The following KLHL3 variants were observed in gnomAD, a reference collection of about 807,000 sequenced individuals.
KLHL3 encodes kelch like family member 3.
A neutral mutation model predicts 70.5 loss-of-function variants in KLHL3; 19 were observed. The ratio of observed to expected loss-of-function variants is 0.27; its 90% CI spans 0.19 to 0.40. The LOEUF (loss-of-function observed/expected upper bound fraction) is 0.40. Among genes scored for constraint, KLHL3 ranks in the 10% least tolerant of loss-of-function variants. The pLI is 1.00. For synonymous variants in KLHL3, 258 were observed against 290.3 expected, an observed-to-expected ratio of 0.89 and a Z score of 1.13; for missense variants, 512 against 771.1, an observed-to-expected ratio of 0.66 and a Z score of 3.98.
rs1389583549 is a variant in KLHL3, at chr5:137,634,137, A to G, written c.1350T>C (p.Asp450=). ...EGKLYAVGGY[D]GASRQCLSTV... is the part of the protein sequence containing the mutation. ...TGCTCAGACACTGGCGGGAAGCTCC[A>G]TCATAACCCCCAACAGCATATAGCT... Residue 450 remains aspartate (D), a synonymous_variant, in exon 12 of 15, where the codon GAT becomes GAC. Coordinates refer to ENST00000309755, the MANE Select transcript of KLHL3 (RefSeq NM_017415.3). The G allele has an allele frequency of 6.2e-7, 1 of 1,613,524 alleles. No homozygotes were observed. The highest frequency in any genetic ancestry group is 8.5e-7 in the Non-Finnish European group (1 of 1,179,856).
intron 8 of KLHL3, among the ~76,000 whole-genome samples, chr5:137,642,520 G>A (rs371883091): frequency 1.3e-5 from 2 of 152,314 alleles, no homozygotes; most frequent in Non-Finnish European, 2.9e-5. Context: ...GGCAGAAAAC[G>A]TATCTGCCTC....
At chr5:137,707,397 T>C (rs1278368916) in intron 3 of KLHL3, among the ~76,000 whole-genome samples, 1 of 152,002 alleles carries the variant, frequency 6.6e-6, no homozygotes, top group South Asian at 2.1e-4. Flanking sequence ...TGCACCACTA[T>C]ACTCCAGCCT....
chr5:137,661,889 T>G (rs1751484188), intron 7 of KLHL3, 26 bp downstream of exon 7: 2 of 1,262,744 alleles, frequency 1.6e-6, no homozygotes, highest in African/African-American at 2.9e-5. Flanking sequence ...AACACAGAAG[T>G]GCTTGGCTCT....
chr5:137,677,351 G>A, intron 6 of KLHL3, 194 bp downstream of exon 6: 1 of 440,254 alleles, frequency 2.3e-6, no homozygotes, highest in East Asian at 3.8e-5. Flanking sequence ...AGGAGGCTGA[G>A]GCAGGGGAAT....
intron 1 of KLHL3, 139 bp from the exon 2 acceptor site, chr5:137,720,723 A>T: frequency 6.7e-7 from 1 of 1,484,048 alleles, no homozygotes; most frequent in East Asian, 2.3e-5. Context: ...AATAGGAAAG[A>T]CAATGTACTG....
intron 2 of KLHL3, 64 bp from the exon 3 acceptor site, chr5:137,709,920 G>A (rs888830201): frequency 1.5e-4 from 202 of 1,331,786 alleles, no homozygotes; most frequent in Non-Finnish European, 2.1e-4. Flanking sequence ...CATCTTACAA[G>A]GGTATTTTTT....
intron 5 of KLHL3, among the ~76,000 whole-genome samples, chr5:137,681,468 G>A (rs973183678): frequency 2.6e-5 from 4 of 152,148 alleles, no homozygotes; most frequent in African/African-American, 9.7e-5. Context: ...CAGAGCATAT[G>A]TAAAGAACAG....
rs377244711 is a variant in KLHL3, at chr5:137,703,542, C to T, written c.242-5134G>A. On this transcript the variant is annotated intron_variant, in intron 3 of 14. Transcript: ENST00000309755. ...AGGGAATGTCCTTAGTTCACAGGTCCTTATGTCACATTGGGAGTGAACAGC... is the reference window on the plus strand; with the variant it reads ...AGGGAATGTCCTTAGTTCACAGGTCTTTATGTCACATTGGGAGTGAACAGC... Among the ~76,000 whole-genome samples the T allele has an allele frequency of 2.6e-5, 4 of 152,188 alleles. No homozygotes were observed. In the East Asian group the frequency reaches 7.7e-4, roughly 29 times the overall value.
At chr5:137,656,566 T>C (rs1751350643) in intron 8 of KLHL3, among the ~76,000 whole-genome samples, 1 of 152,218 alleles carries the variant, frequency 6.6e-6, no homozygotes. Flanking sequence ...AATAAGCACA[T>C]ATGTCTATAA....
intron 3 of KLHL3, chr5:137,706,308 A>C (rs1022956988): frequency 1.0e-6 from 1 of 985,414 alleles, no homozygotes; most frequent in East Asian, 1.1e-4. Flanking sequence ...CTCAGTACAC[A>C]ATGCATTTTA....
intron 5 of KLHL3, among the ~76,000 whole-genome samples, chr5:137,686,377 T>TC (rs374387327): frequency 9.2e-5 from 14 of 152,030 alleles, no homozygotes; most frequent in African/African-American, 2.9e-4. Context: ...TCCTCCCCAT[T>TC]CCCCCTGTTC....
intron 7 of KLHL3, among the ~76,000 whole-genome samples, chr5:137,659,091 C>T (rs766692094): frequency 7.2e-5 from 11 of 152,214 alleles, no homozygotes; most frequent in Non-Finnish European, 1.3e-4. Flanking sequence ...CACTGTGTGG[C>T]ATATCTGGAA....
Position 137,639,249 on chromosome 5 carries a change from C to A in KLHL3, c.1022-99G>T. 1 of 1,142,284 alleles carries A rather than the reference C, an allele frequency of 8.8e-7. No homozygotes were observed. The highest frequency in any genetic ancestry group is 1.4e-5 in the South Asian group (1 of 69,692). The allele number at this position is 1,142,284 out of a possible 1,614,324, so 70.8% of individuals were successfully genotyped here. A position where few individuals can be genotyped will look rare whatever the true frequency, so the allele number is the denominator to read the frequency against. On this transcript the variant is annotated intron_variant, in intron 9 of 14. Transcript: ENST00000309755. This position sits in a 1 kb window ranked among gnomAD's most constrained non-coding sequence, Gnocchi z 5.0. ...GGAGCAAGACAGACACAGGAAAAGT[C>A]GCCACCGAAGATACTTTAGGTATTT...
intron 7 of KLHL3, among the ~76,000 whole-genome samples, chr5:137,659,398 G>A (rs1751419310): frequency 1.3e-5 from 2 of 152,168 alleles, no homozygotes; most frequent in Non-Finnish European, 2.9e-5. Flanking sequence ...ATCATCTGCT[G>A]GGCAGCATTG....
chr5:137,700,282 C>T (rs894197624), intron 3 of KLHL3, among the ~76,000 whole-genome samples: 5 of 152,162 alleles, frequency 3.3e-5, no homozygotes, highest in Non-Finnish European at 7.4e-5. Flanking sequence ...GATGAGGGTC[C>T]AGTTGGTAAT....
chr5:137,691,549 A>G (rs1453619940), intron 5 of KLHL3, among the ~76,000 whole-genome samples: 1 of 152,162 alleles, frequency 6.6e-6, no homozygotes, highest in Non-Finnish European at 1.5e-5. Context: ...CTGGAGCACA[A>G]GACTCAGTGT....
Position 137,662,051 on chromosome 5 carries a change from G to T in KLHL3, c.637-20C>A. Reference sequence around the variant, plus strand: ...AAACACCTATAAAGAAAAGCAACATGGGCAACTTCAGTAAAGAGACAAAAG... The same window carrying T: ...AAACACCTATAAAGAAAAGCAACATTGGCAACTTCAGTAAAGAGACAAAAG... On this transcript the variant is annotated intron_variant, in intron 6 of 14. Transcript: ENST00000309755. 2 of 1,269,150 alleles carry T rather than the reference G, an allele frequency of 1.6e-6. No homozygotes were observed. Among genetic ancestry groups the T allele is most frequent in the South Asian group, 1.2e-5 (1 of 81,322 alleles). 78.6% of individuals were successfully genotyped at this position (1,269,150 alleles called of 1,614,324 possible). A position where few individuals can be genotyped will look rare whatever the true frequency, so the allele number is the denominator to read the frequency against.
At chr5:137,681,816 C>G (rs1460978560) in intron 5 of KLHL3, among the ~76,000 whole-genome samples, 1 of 151,968 alleles carries the variant, frequency 6.6e-6, no homozygotes, top group Non-Finnish European at 1.5e-5. Context: ...TCCTAATTAG[C>G]CAGGTTTTAC....
intron 2 of KLHL3, among the ~76,000 whole-genome samples, chr5:137,713,776 TCTACC>T (rs1322937536): frequency 2.0e-5 from 3 of 152,228 alleles, no homozygotes; most frequent in Admixed American, 6.5e-5. Flanking sequence ...TTGCAAATCA[TCTACC>T]TGATAATGAG....
Sources: allele counts gnomAD v4.1 joint callset (sites outside exome capture counted in the v4.1 genomes callset), GRCh38; gene constraint gnomAD v4.1.1; non-coding constraint Gnocchi (gnomAD v3.1); transcripts MANE v1.5; gene names NCBI Gene and HGNC (gene_info 2026-07-23, HGNC 2026-07-21).